The following DTWD2 variants were observed in gnomAD, a reference collection of about 807,000 sequenced individuals.
The protein encoded by DTWD2 is tRNA-uridine aminocarboxypropyltransferase 2.
Under a neutral mutation model 31.8 loss-of-function variants are expected in DTWD2, and 39 were observed. That is an observed-to-expected ratio of 1.22 (90% CI 0.95 to 1.60). The LOEUF is 1.60. Ranked by LOEUF, DTWD2 falls within the 40% of genes most tolerant of loss-of-function variation. The pLI, the probability that DTWD2 is intolerant of heterozygous loss-of-function variation, is 0.00. For missense variants in DTWD2, 515 were observed against 381.5 expected, an observed-to-expected ratio of 1.35 and a Z score of -2.92; for synonymous variants, 180 against 142.8, an observed-to-expected ratio of 1.26 and a Z score of -1.86.
intron 1 of DTWD2, among the ~76,000 whole-genome samples, chr5:118,950,971 C>T (rs1452057092): frequency 6.6e-6 from 1 of 152,040 alleles, no homozygotes; most frequent in Non-Finnish European, 1.5e-5. Flanking sequence ...GGCCTTCTGG[C>T]CTTTCTGGGT....
chr5:118,947,123 G>A (rs1011825919), intron 1 of DTWD2, among the ~76,000 whole-genome samples: 1 of 152,320 alleles, frequency 6.6e-6, no homozygotes, highest in East Asian at 1.9e-4. Flanking sequence ...CAGCAGGTGA[G>A]CAAGTGCAGG....
intron 1 of DTWD2, among the ~76,000 whole-genome samples, chr5:118,987,203 T>A (rs937505355): frequency 6.6e-6 from 1 of 152,210 alleles, no homozygotes; most frequent in African/African-American, 2.4e-5. Flanking sequence ...TTGTTTAAAT[T>A]AATTGTATTC....
At chr5:118,883,859 C>T (rs1259138345) in intron 4 of DTWD2, among the ~76,000 whole-genome samples, 2 of 152,064 alleles carry the variant, frequency 1.3e-5, no homozygotes, top group Non-Finnish European at 2.9e-5. Context: ...AATCTTTTTA[C>T]AGGAGAGAGA....
At chr5:118,851,193 T>G (rs894561160) in intron 4 of DTWD2, among the ~76,000 whole-genome samples, 2 of 127,018 alleles carry the variant, frequency 1.6e-5, no homozygotes, top group Admixed American at 2.0e-4. Context: ...CACTCCAGCC[T>G]GGGCAAAAGA....
chr5:118,874,435 A>C (rs1752576401), intron 4 of DTWD2, among the ~76,000 whole-genome samples: 1 of 152,164 alleles, frequency 6.6e-6, no homozygotes, highest in Admixed American at 6.5e-5. Context: ...GTACATTAAA[A>C]CCCAATGCAA....
At chr5:118,844,913 C>T (rs1443937045) in intron 5 of DTWD2, among the ~76,000 whole-genome samples, 1 of 152,076 alleles carries the variant, frequency 6.6e-6, no homozygotes, top group East Asian at 1.9e-4. Context: ...GCAGGTGGAT[C>T]GCTTAAATCC....
intron 1 of DTWD2, among the ~76,000 whole-genome samples, chr5:118,969,448 C>T (rs1249361653): frequency 6.6e-6 from 1 of 152,154 alleles, no homozygotes; most frequent in Non-Finnish European, 1.5e-5. Context: ...TTCAGTGTGC[C>T]CCTGGGACAA....
chr5:118,853,353 A>C (rs1430548298), intron 4 of DTWD2, among the ~76,000 whole-genome samples: 1 of 152,196 alleles, frequency 6.6e-6, no homozygotes, highest in East Asian at 1.9e-4. Flanking sequence ...TTTCTCAAAG[A>C]AATGAAAATA....
intron 4 of DTWD2, among the ~76,000 whole-genome samples, chr5:118,920,216 T>C (rs1197287997): frequency 6.6e-6 from 1 of 152,086 alleles, no homozygotes; most frequent in Non-Finnish European, 1.5e-5. Flanking sequence ...CTAAGACATA[T>C]CTACATACAT....
intron 1 of DTWD2, among the ~76,000 whole-genome samples, chr5:118,966,120 G>C (rs1561474706): frequency 6.6e-6 from 1 of 151,940 alleles, no homozygotes; most frequent in East Asian, 1.9e-4. Context: ...GCATTGCCTA[G>C]AAAAAAACCC....
intron 4 of DTWD2, among the ~76,000 whole-genome samples, chr5:118,908,723 T>C (rs1473228135): frequency 6.8e-6 from 1 of 146,080 alleles, no homozygotes; most frequent in Non-Finnish European, 1.5e-5. Context: ...GAAAAGAAAA[T>C]GTAACCTGAA....
In DTWD2 at chr5:118,950,919, CAGG is replaced by C. The variant is rs574171835; in HGVS notation, c.219-6273_219-6271del. 3.0e-3 allele frequency among the ~76,000 whole-genome samples: 460 copies of C among 152,174 alleles called. 2 individuals are homozygous for C. Among genetic ancestry groups the C allele is most frequent in the African/African-American group, 0.011 (443 of 41,500 alleles). ...AAGTTTTGGAGCTTTTTTTAAACGT[CAGG>C]AGCAGATTGGGTAATAAAATGCATA... On this transcript the variant is annotated intron_variant, in intron 1 of 5. Coordinates refer to ENST00000510708, the MANE Select transcript of DTWD2 (RefSeq NM_173666.4).
chr5:118,954,604 C>T (rs1305792519), intron 1 of DTWD2, among the ~76,000 whole-genome samples: 5 of 152,180 alleles, frequency 3.3e-5, no homozygotes, highest in Non-Finnish European at 7.3e-5. Context: ...ACCTCCGCCT[C>T]CCAATTCAAG....
intron 4 of DTWD2, among the ~76,000 whole-genome samples, chr5:118,925,903 T>C (rs181828305): frequency 2.0e-5 from 3 of 151,056 alleles, no homozygotes; most frequent in African/African-American, 7.3e-5. Flanking sequence ...CACTACTGGG[T>C]ATTTACCCAA....
chr5:118,916,912 C>CT (rs1184369464), intron 4 of DTWD2, among the ~76,000 whole-genome samples: 4 of 151,828 alleles, frequency 2.6e-5, no homozygotes, highest in South Asian at 2.1e-4. Flanking sequence ...GGAATACCTG[C>CT]TTTTTTTTCT....
chr5:118,981,565 C>G (rs1315814966), intron 1 of DTWD2, among the ~76,000 whole-genome samples: 1 of 151,952 alleles, frequency 6.6e-6, no homozygotes, highest in African/African-American at 2.4e-5. Context: ...AATCCAACCC[C>G]TCCCTCTCTC....
intron 1 of DTWD2, among the ~76,000 whole-genome samples, chr5:118,947,521 G>C (rs987843107): frequency 1.3e-5 from 2 of 152,162 alleles, no homozygotes; most frequent in African/African-American, 2.4e-5. Flanking sequence ...TCAAACTGCA[G>C]TCCCTACCAT....
At chr5:118,914,852 C>T (rs1753537694) in intron 4 of DTWD2, among the ~76,000 whole-genome samples, 1 of 152,192 alleles carries the variant, frequency 6.6e-6, no homozygotes. Flanking sequence ...GGCCATTTGG[C>T]TAGCATCCTG....
At chr5:118,843,373 G>GGAAGGGAA (rs1210738627) in intron 5 of DTWD2, among the ~76,000 whole-genome samples, 1 of 145,658 alleles carries the variant, frequency 6.9e-6, no homozygotes, top group African/African-American at 2.7e-5. Flanking sequence ...GAGGAAGGGA[G>GGAAGGGAA]GAAGGAAGGA....
Sources: gnomAD v4.1 joint callset for allele counts (sites outside exome capture counted in the v4.1 genomes callset) on GRCh38, gnomAD v4.1.1 for gene constraint, MANE v1.5 for transcripts, NCBI Gene and HGNC (gene_info 2026-07-23, HGNC 2026-07-21) for gene names.